Variants in NBEA observed in about 807,000 individuals in gnomAD.
The protein encoded by NBEA is neurobeachin.
Under a neutral mutation model 343.4 loss-of-function variants are expected in NBEA, and 44 were observed. The ratio of observed to expected loss-of-function variants is 0.13; its 90% CI spans 0.10 to 0.16. The LOEUF (loss-of-function observed/expected upper bound fraction) is 0.16, where lower values mean the gene tolerates loss of function less well. Ranked by LOEUF, NBEA falls within the 10% of genes least tolerant of loss-of-function variation. The pLI, the probability that NBEA is intolerant of heterozygous loss-of-function variation, is 1.00. For synonymous variants in NBEA, 1,175 were observed against 1,238.7 expected (o/e 0.95, Z 1.08); for missense variants, 2,555 against 3,631.3 (o/e 0.70, Z 7.62).
intron 31 of NBEA, among the ~76,000 whole-genome samples, chr13:35,201,834 A>G (rs184252988): frequency 6.6e-6 from 1 of 152,198 alleles, no homozygotes; most frequent in East Asian, 1.9e-4. Flanking sequence ...TTCTCAAACT[A>G]CATTAGCCCC....
intron 10 of NBEA, among the ~76,000 whole-genome samples, chr13:35,081,977 T>TA (rs1223719400): frequency 6.6e-6 from 1 of 152,162 alleles, no homozygotes; most frequent in African/African-American, 2.4e-5. Flanking sequence ...GCAGGTTAGT[T>TA]ACATATGTAT....
At chr13:34,943,802 T>C (rs981480504) in intron 1 of NBEA, among the ~76,000 whole-genome samples, 6 of 152,152 alleles carry the variant, frequency 3.9e-5, no homozygotes, top group Admixed American at 1.3e-4. Context: ...ATCACACAGG[T>C]TGATTTCTGT....
At chr13:35,238,120 A>G (rs576030430) in intron 34 of NBEA, among the ~76,000 whole-genome samples, 1 of 152,360 alleles carries the variant, frequency 6.6e-6, no homozygotes, top group African/African-American at 2.4e-5. Flanking sequence ...TACTTAGAAT[A>G]GGTATGTATG....
intron 38 of NBEA, among the ~76,000 whole-genome samples, chr13:35,352,998 T>A (rs1056336339): frequency 3.9e-5 from 6 of 152,312 alleles, no homozygotes; most frequent in Non-Finnish European, 5.9e-5. Context: ...TTTAGATTGC[T>A]GATGTTCTTC....
chr13:35,046,006 G>A (rs1482779762), intron 4 of NBEA, among the ~76,000 whole-genome samples: 1 of 152,150 alleles, frequency 6.6e-6, no homozygotes, highest in Non-Finnish European at 1.5e-5. Flanking sequence ...TTACAGGTGT[G>A]AGCCACTGCA....
At chr13:35,133,667 T>C (rs2067552827) in intron 17 of NBEA, among the ~76,000 whole-genome samples, 1 of 151,938 alleles carries the variant, frequency 6.6e-6, no homozygotes, top group Admixed American at 6.6e-5. Flanking sequence ...AAATCAAATA[T>C]AAAGCAGTAA....
In NBEA at chr13:35,073,665, G is replaced by C. The variant is rs1288196909; in HGVS notation, c.1571+2813G>C. 3.3e-5 allele frequency among the ~76,000 whole-genome samples: 5 copies of C among 152,056 alleles called. No individual in the cohort carries two copies. In the South Asian group the frequency reaches 6.2e-4, roughly 19 times the overall value. On this transcript the variant is annotated intron_variant, in intron 10 of 58. Coordinates refer to ENST00000379939, the MANE Select transcript of NBEA (RefSeq NM_001385012.1). The stretch of plus-strand genomic sequence containing the variant: ...GAATTTTTAAAAAATTATTGGCTGG[G>C]GGTGGTGGCTAACGTCTGTAATCCC...
chr13:35,090,627 C>G (rs1444899), intron 10 of NBEA, among the ~76,000 whole-genome samples: 79,902 of 151,598 alleles, frequency 0.53, 21,172 homozygotes, highest in Middle Eastern at 0.69. Context: ...TATTGAACAA[C>G]TCTGTCTAAT....
At position 35,546,690 on chromosome 13, in the gene NBEA, T is replaced by A. The variant is rs190802914; in HGVS notation, c.6586-3787T>A. ...GCCGCAGCCTCCCAAGTAGCTGGGA[T>A]TACAGGCATGTGCAACCATGACCGG... On this transcript the variant is annotated intron_variant, in intron 41 of 58. Coordinates refer to ENST00000379939, the MANE Select transcript of NBEA (RefSeq NM_001385012.1). Among the ~76,000 whole-genome samples, 148 of 151,890 alleles carry A rather than the reference T, an allele frequency of 9.7e-4. 1 individual carries two copies. Among genetic ancestry groups the A allele is most frequent in the African/African-American group, 3.4e-3 (141 of 41,422 alleles).
intron 34 of NBEA, 29 bp from the exon 35 acceptor site, chr13:35,290,360 C>G (rs746415504): frequency 6.7e-7 from 1 of 1,483,348 alleles, no homozygotes; most frequent in South Asian, 1.2e-5. Context: ...ATTGTAATTT[C>G]ATTTTGTTTT....
rs548336792 is a variant in NBEA, at chr13:35,055,243, T to G, written c.973-767T>G. Among the ~76,000 whole-genome samples, 66 of 152,110 alleles carry G rather than the reference T, an allele frequency of 4.3e-4. 1 individual carries two copies. Among genetic ancestry groups the G allele is most frequent in the Non-Finnish European group, 8.8e-4 (60 of 68,012 alleles). The stretch of plus-strand genomic sequence containing the variant: ...ACTTTAGAAAAAATTATTTCTATAT[T>G]CTCGATTTTAGGCTATTAACTCTCA... On this transcript the variant is annotated intron_variant, in intron 6 of 58. Coordinates refer to ENST00000379939, the MANE Select transcript of NBEA (RefSeq NM_001385012.1).
intron 34 of NBEA, among the ~76,000 whole-genome samples, chr13:35,277,676 G>A (rs1285949635): frequency 2.1e-5 from 3 of 144,910 alleles, no homozygotes; most frequent in African/African-American, 7.8e-5. Flanking sequence ...TGTATGCAAA[G>A]GAGGGTAGAA....
At chr13:35,281,192 G>A (rs1251201112) in intron 34 of NBEA, among the ~76,000 whole-genome samples, 1 of 152,050 alleles carries the variant, frequency 6.6e-6, no homozygotes, top group Non-Finnish European at 1.5e-5. Flanking sequence ...GTTGAATCAT[G>A]ATTATAATAG....
chr13:35,536,309 C>T (rs891707152), intron 41 of NBEA, among the ~76,000 whole-genome samples: 1 of 151,980 alleles, frequency 6.6e-6, no homozygotes, highest in Non-Finnish European at 1.5e-5. Flanking sequence ...TGAATAAATG[C>T]TTTTTTGAGC....
chr13:35,304,838 A>T (rs988522403), intron 35 of NBEA, among the ~76,000 whole-genome samples: 1 of 152,188 alleles, frequency 6.6e-6, no homozygotes, highest in African/African-American at 2.4e-5. Flanking sequence ...ACTGAGATCC[A>T]CTGGTCGAAA....
At chr13:35,529,917 G>A (rs534972962) in intron 41 of NBEA, among the ~76,000 whole-genome samples, 7 of 152,242 alleles carry the variant, frequency 4.6e-5, no homozygotes, top group South Asian at 2.1e-4. Flanking sequence ...ACTGCTACCC[G>A]GTAATCTTTA....
chr13:35,542,396 A>T (rs967069632), intron 41 of NBEA, among the ~76,000 whole-genome samples: 2 of 151,902 alleles, frequency 1.3e-5, no homozygotes, highest in African/African-American at 4.8e-5. Context: ...TTTCATCAGG[A>T]TTAATTCTTT....
At position 35,161,776 on chromosome 13, in the gene NBEA, A is replaced by C; in HGVS notation, c.3888A>C (p.Gln1296His). The C allele has an allele frequency of 1.2e-6, 2 of 1,611,682 alleles. No homozygotes were observed. The highest frequency in any genetic ancestry group is 1.7e-6 in the Non-Finnish European group (2 of 1,179,016). The stretch of plus-strand genomic sequence containing the variant: ...CTGTGCAGGGTCGGTCTATCACCCA[A>C]CAAGACCGAGATCTCCGAGTTGATT... ...TQAVQGRSIT[Q>H]QDRDLRVDLG... is the part of the protein sequence containing the mutation. Residue 1296 changes from glutamine to histidine, a missense_variant, in exon 23 of 59, where the codon CAA becomes CAC. Around this residue, in one of 21 missense-constraint regions of NBEA, gnomAD observed 367 missense variants for 377.5 expected, o/e 0.97. Transcript: ENST00000379939.
intron 40 of NBEA, among the ~76,000 whole-genome samples, chr13:35,454,388 T>G (rs2046454137): frequency 6.6e-6 from 1 of 152,222 alleles, no homozygotes; most frequent in African/African-American, 2.4e-5. Flanking sequence ...GCAGATTACA[T>G]CAATACGTAA....
Sources: gnomAD v4.1 joint callset for allele counts (sites outside exome capture counted in the v4.1 genomes callset) on GRCh38, gnomAD v4.1.1 for gene constraint, gnomAD v4.1.1 regional missense constraint, MANE v1.5 for transcripts, NCBI Gene and HGNC (gene_info 2026-07-23, HGNC 2026-07-21) for gene names.